The following NSMCE2 variants were observed in gnomAD, a reference collection of about 807,000 sequenced individuals.
NSMCE2 encodes the protein E3 SUMO-protein ligase NSE2.
Under a neutral mutation model 23.8 loss-of-function variants are expected in NSMCE2, and 24 were observed. The observed-to-expected ratio is 1.01, with a 90% CI of 0.73 to 1.42. The LOEUF is 1.42. Ranked by LOEUF, NSMCE2 falls within the 40% of genes most tolerant of loss-of-function variation. NSMCE2 has a pLI of 0.00. For synonymous variants in NSMCE2, 92 were observed against 94.1 expected (o/e 0.98, Z 0.13); for missense variants, 284 against 296.5 (o/e 0.96, Z 0.31).
intron 5 of NSMCE2, among the ~76,000 whole-genome samples, chr8:125,251,155 T>C (rs552677137): frequency 1.9e-4 from 29 of 152,272 alleles, no homozygotes; most frequent in Middle Eastern, 3.4e-3. Context: ...AATAAGGGAA[T>C]AATATAGTCA....
At chr8:125,299,432 A>C (rs962327055) in intron 5 of NSMCE2, among the ~76,000 whole-genome samples, 3 of 152,220 alleles carry the variant, frequency 2.0e-5, no homozygotes, top group Admixed American at 2.0e-4. Flanking sequence ...AATGTCTTAC[A>C]TGGCAACAGG....
At chr8:125,219,224 C>A (rs1363386438) in intron 5 of NSMCE2, among the ~76,000 whole-genome samples, 1 of 152,166 alleles carries the variant, frequency 6.6e-6, no homozygotes, top group Non-Finnish European at 1.5e-5. Flanking sequence ...GACTTTCGTA[C>A]TTTCAGTGTT....
chr8:125,124,843 G>T (rs1278089549), intron 3 of NSMCE2, among the ~76,000 whole-genome samples: 1 of 151,874 alleles, frequency 6.6e-6, no homozygotes, highest in Non-Finnish European at 1.5e-5. Context: ...TGCCCAGCCT[G>T]GGGTGCAGTG....
In NSMCE2 at chr8:125,102,407, C is replaced by G; in HGVS notation, c.77C>G (p.Ser26Cys). ...AGTGGTGTAGAGTCTGCTCTCTCCT[C>G]CTTGAAAAACTTCCAAGCCTGTATC... is the stretch of plus-strand genomic sequence containing the variant. ...SFSGVESALS[S>C]LKNFQACINS... Residue 26 changes from serine to cysteine, a missense_variant, in exon 3 of 8, where the codon TCC becomes TGC. This residue lies in a region of NSMCE2 where 182 missense variants were observed against 155.5 expected (regional missense o/e 1.17). Coordinates refer to ENST00000287437, the MANE Select transcript of NSMCE2 (RefSeq NM_173685.4). 1 of 1,613,358 alleles carries G rather than the reference C, an allele frequency of 6.2e-7. No homozygotes were observed.
chr8:125,291,765 A>G (rs1828113992), intron 5 of NSMCE2, among the ~76,000 whole-genome samples: 1 of 152,230 alleles, frequency 6.6e-6, no homozygotes, highest in East Asian at 1.9e-4. Context: ...GAAGCAAGCC[A>G]GATCTCGTAA....
At chr8:125,186,750 G>C (rs1265287613) in intron 5 of NSMCE2, among the ~76,000 whole-genome samples, 1 of 152,148 alleles carries the variant, frequency 6.6e-6, no homozygotes, top group Non-Finnish European at 1.5e-5. Flanking sequence ...GCCCCAGTAG[G>C]AAAGAATGTG....
At chr8:125,228,340 T>A (rs1187574440) in intron 5 of NSMCE2, among the ~76,000 whole-genome samples, 1 of 152,176 alleles carries the variant, frequency 6.6e-6, no homozygotes, top group Non-Finnish European at 1.5e-5. Context: ...TTGGTTAGAA[T>A]AAAAGAAGAA....
chr8:125,346,199 T>C (rs1156271740), intron 5 of NSMCE2, among the ~76,000 whole-genome samples: 1 of 151,210 alleles, frequency 6.6e-6, no homozygotes, highest in Non-Finnish European at 1.5e-5. Flanking sequence ...GATGACCAGC[T>C]GGAATAGAAA....
chr8:125,326,967 AG>A (rs1829689989), intron 5 of NSMCE2, among the ~76,000 whole-genome samples: 1 of 144,834 alleles, frequency 6.9e-6, no homozygotes. Flanking sequence ...AAAAAAAAAA[AG>A]AGAGAGAGAG....
chr8:125,242,420 C>T (rs1482737428), intron 5 of NSMCE2, among the ~76,000 whole-genome samples: 1 of 152,106 alleles, frequency 6.6e-6, no homozygotes, highest in East Asian at 1.9e-4. Flanking sequence ...ACCACCTCCA[C>T]CATCCCACTC....
intron 4 of NSMCE2, among the ~76,000 whole-genome samples, chr8:125,164,833 G>T (rs550665341): frequency 4.6e-5 from 7 of 152,082 alleles, no homozygotes; most frequent in Middle Eastern, 3.2e-3. Context: ...CATAATAATA[G>T]CAAGCCTAGC....
intron 4 of NSMCE2, among the ~76,000 whole-genome samples, chr8:125,158,632 A>G (rs1382835565): frequency 6.6e-6 from 1 of 152,216 alleles, no homozygotes; most frequent in African/African-American, 2.4e-5. Context: ...TCCTTAACAC[A>G]GCAAACTCCT....
intron 3 of NSMCE2, among the ~76,000 whole-genome samples, chr8:125,108,084 C>G (rs1818555952): frequency 6.6e-6 from 1 of 151,998 alleles, no homozygotes; most frequent in Non-Finnish European, 1.5e-5. Flanking sequence ...CCCATGGATC[C>G]CCTGAAAGGG....
At chr8:125,163,102 C>A (rs1430804604) in intron 4 of NSMCE2, among the ~76,000 whole-genome samples, 3 of 152,116 alleles carry the variant, frequency 2.0e-5, no homozygotes, top group African/African-American at 7.2e-5. Flanking sequence ...CTTGGTGGCT[C>A]ACACTTGTAA....
At chr8:125,163,229 TAAAC>T (rs895801674) in intron 4 of NSMCE2, among the ~76,000 whole-genome samples, 9 of 152,080 alleles carry the variant, frequency 5.9e-5, no homozygotes, top group African/African-American at 1.9e-4. Flanking sequence ...TGAAAGTAAA[TAAAC>T]AATTCAAAAA....
chr8:125,127,279 AC>A (rs1443462599), intron 3 of NSMCE2, among the ~76,000 whole-genome samples: 5 of 152,178 alleles, frequency 3.3e-5, no homozygotes, highest in African/African-American at 1.2e-4. Context: ...TGTATGTCTT[AC>A]TGTTAGGATG....
intron 5 of NSMCE2, among the ~76,000 whole-genome samples, chr8:125,312,902 G>T (rs530168659): frequency 6.6e-6 from 1 of 152,020 alleles, no homozygotes; most frequent in African/African-American, 2.4e-5. Context: ...GAACCAGCAC[G>T]GGGAGAGCAC....
chr8:125,322,067 AT>A (rs1829481060), intron 5 of NSMCE2, among the ~76,000 whole-genome samples: 1 of 151,196 alleles, frequency 6.6e-6, no homozygotes, highest in African/African-American at 2.4e-5. Flanking sequence ...CATTTTTTGG[AT>A]TTTGAGTTTT....
intron 5 of NSMCE2, among the ~76,000 whole-genome samples, chr8:125,330,192 T>TTTTTTTG (rs1661745949): frequency 1.3e-5 from 2 of 149,680 alleles, no homozygotes; most frequent in African/African-American, 4.9e-5. Context: ...TTTTTTTTTT[T>TTTTTTTG]TTTTGAGACA....
Sources: allele counts gnomAD v4.1 joint callset (sites outside exome capture counted in the v4.1 genomes callset), GRCh38; gene constraint gnomAD v4.1.1; regional missense constraint gnomAD v4.1.1; transcripts MANE v1.5; gene names NCBI Gene and HGNC (gene_info 2026-07-23, HGNC 2026-07-21).